Variants in ACACB observed in about 807,000 individuals in gnomAD.
ACACB encodes the protein acetyl-CoA carboxylase beta.
Under a neutral mutation model 278.8 loss-of-function variants are expected in ACACB, and 209 were observed. That is an observed-to-expected ratio of 0.75 (90% confidence interval 0.67 to 0.84). The LOEUF (loss-of-function observed/expected upper bound fraction) is 0.84. Among genes scored for constraint, ACACB ranks in the 40% least tolerant of loss-of-function variants. The pLI is 0.00. For synonymous variants in ACACB, 1,174 were observed against 1,285.6 expected, an observed-to-expected ratio of 0.91 and a Z score of 1.86; for missense variants, 2,850 against 3,269.0, an observed-to-expected ratio of 0.87 and a Z score of 3.13.
intron 7 of ACACB, among the ~76,000 whole-genome samples, chr12:109,175,456 C>A (rs560009436): frequency 6.6e-6 from 1 of 152,202 alleles, no homozygotes; most frequent in African/African-American, 2.4e-5. Flanking sequence ...CACTCTGTCA[C>A]CCAGGCCAAA....
At chr12:109,167,294 T>C in intron 3 of ACACB, 1 of 257,444 alleles carries the variant, frequency 3.9e-6, no homozygotes, top group Non-Finnish European at 7.6e-6. Flanking sequence ...AAAAAAATCA[T>C]TCACTGGGCT....
At position 109,239,949 on chromosome 12, in the gene ACACB, C is replaced by G. The variant is rs778786924; in HGVS notation, c.4782C>G (p.Leu1594=). The change falls in exon 35 of 53, where the codon CTC becomes CTG. Residue 1594 remains leucine (L), a synonymous_variant. Transcript: ENST00000338432. ...SVRTDCNHIF[L]NFVPTVIMDP... ...GCACCGACTGCAACCACATCTTCCTCAACTTCGTGCCCACTGTCATCATGG... is the reference window on the plus strand; with the variant it reads ...GCACCGACTGCAACCACATCTTCCTGAACTTCGTGCCCACTGTCATCATGG... 4.2e-5 allele frequency: 68 copies of G among 1,614,056 alleles called. 1 individual carries two copies. The Admixed American group carries it at 7.0e-4, about 17-fold the overall frequency.
rs768199367 is a variant in ACACB at position 109,264,237 on chromosome 12, C to T, written c.6793C>T (p.Pro2265Ser). 4.3e-6 allele frequency: 7 copies of T among 1,614,028 alleles called. No individual in the cohort carries two copies. The Admixed American group carries it at 1.0e-4, about 23-fold the overall frequency. ...GCCTTTCTGCTCACCTGCAGGGGAA[C>T]CTGATCTCTCCGACAAGGACCGAAA... Reference protein sequence around the residue: ...YKKLMEQLGEPDLSDKDRKDL... With the variant: ...YKKLMEQLGESDLSDKDRKDL... The change falls in exon 50 of 53, where the codon CCT becomes TCT. Residue 2265 changes from proline to serine, a missense_variant. Around this residue, in one of 3 missense-constraint regions of ACACB, gnomAD observed 579 missense variants for 684.6 expected, o/e 0.85. Transcript: ENST00000338432.
intron 13 of ACACB, among the ~76,000 whole-genome samples, chr12:109,191,038 A>T (rs541000448): frequency 4.6e-5 from 7 of 152,180 alleles, no homozygotes; most frequent in African/African-American, 1.7e-4. Context: ...CATTACATGG[A>T]TTGTCTCATT....
chr12:109,208,402 C>T (rs2045585513), intron 20 of ACACB, among the ~76,000 whole-genome samples: 1 of 151,454 alleles, frequency 6.6e-6, no homozygotes, highest in Admixed American at 6.6e-5. Flanking sequence ...GAGACGGGGT[C>T]TCGCCATGTT....
chr12:109,140,337 TCC>T (rs2043090605), intron 2 of ACACB, among the ~76,000 whole-genome samples: 1 of 98,636 alleles, frequency 1.0e-5, no homozygotes, highest in Admixed American at 1.1e-4. Flanking sequence ...CTTCCTTCCT[TCC>T]TTCCTTCCTT....
At chr12:109,212,526 A>G (rs1490258118) in intron 21 of ACACB, among the ~76,000 whole-genome samples, 1 of 152,086 alleles carries the variant, frequency 6.6e-6, no homozygotes, top group Non-Finnish European at 1.5e-5. Context: ...GATTATCGTA[A>G]CGAGCATGCA....
chr12:109,174,809 A>G (rs2044233121), intron 7 of ACACB, among the ~76,000 whole-genome samples: 1 of 152,136 alleles, frequency 6.6e-6, no homozygotes, highest in South Asian at 2.1e-4. Context: ...GGTCGAGGTT[A>G]CAGTGAACTA....
intron 48 of ACACB, among the ~76,000 whole-genome samples, chr12:109,262,091 T>C (rs534260458): frequency 1.4e-4 from 21 of 152,080 alleles, no homozygotes; most frequent in African/African-American, 4.1e-4. Flanking sequence ...AGTCGTACAC[T>C]CTTAGACCTG....
intron 31 of ACACB, 143 bp downstream of exon 31, chr12:109,234,188 C>G (rs944150116): frequency 1.4e-6 from 1 of 693,994 alleles, no homozygotes; most frequent in Non-Finnish European, 2.5e-6. Flanking sequence ...CTCTGCTCGC[C>G]TCATAGCTGG....
At chr12:109,262,131 T>C (rs2047394724) in intron 48 of ACACB, among the ~76,000 whole-genome samples, 1 of 152,066 alleles carries the variant, frequency 6.6e-6, no homozygotes, top group African/African-American at 2.4e-5. Context: ...CAGAAAGCAT[T>C]ATTTTAAACA....
chr12:109,196,870 G>T, intron 16 of ACACB, 138 bp from the exon 17 acceptor site: 3 of 1,047,334 alleles, frequency 2.9e-6, no homozygotes, highest in South Asian at 4.2e-5. Flanking sequence ...AATTGTGAGG[G>T]CTGGGTCCGA....
chr12:109,138,219 A>G (rs1460589963), intron 1 of ACACB, among the ~76,000 whole-genome samples: 1 of 152,160 alleles, frequency 6.6e-6, no homozygotes, highest in Non-Finnish European at 1.5e-5. Context: ...TTAAAACAAG[A>G]TTTCCTTCAA....
At chr12:109,146,739 G>T (rs2043251797) in intron 2 of ACACB, among the ~76,000 whole-genome samples, 1 of 151,772 alleles carries the variant, frequency 6.6e-6, no homozygotes, top group African/African-American at 2.4e-5. Flanking sequence ...CAGTAGCATG[G>T]TCATGGCTCA....
chr12:109,260,423 G>T, intron 47 of ACACB, 57 bp from the exon 48 acceptor site: 1 of 1,605,138 alleles, frequency 6.2e-7, no homozygotes, highest in Non-Finnish European at 8.5e-7. Flanking sequence ...CTAGGGCAGT[G>T]GGTTTCATGT....
At position 109,209,151 on chromosome 12, in the gene ACACB, G is replaced by A. The variant is rs748802248; in HGVS notation, c.3061-14G>A. The A allele has an allele frequency of 1.1e-5, 17 of 1,581,556 alleles. No homozygotes were observed. Among genetic ancestry groups the A allele is most frequent in the Admixed American group, 1.8e-5 (1 of 55,626 alleles). ...ATGCAGGGCTGGGGGCTGATGCTGT[G>A]GTCCCCGCTTCAGCTGAAGGAGTGG... On this transcript the variant is annotated splice_polypyrimidine_tract_variant and intron_variant, in intron 20 of 52. Transcript: ENST00000338432.
In ACACB at chr12:109,137,111, C is replaced by T. The variant is rs563002284; in HGVS notation, c.-9-2286C>T. On this transcript the variant is annotated intron_variant, in intron 1 of 52. Coordinates refer to ENST00000338432, the MANE Select transcript of ACACB (RefSeq NM_001093.4). Reference sequence around the variant, plus strand: ...TTGGGATGATCATGTGGTTTTTTTCCCTTTGTTCCATTAATGTGGCATGTT... The same window carrying T: ...TTGGGATGATCATGTGGTTTTTTTCTCTTTGTTCCATTAATGTGGCATGTT... Among the ~76,000 whole-genome samples, 30 of 151,700 alleles carry T rather than the reference C, an allele frequency of 2.0e-4. 1 individual carries two copies. The highest frequency in any genetic ancestry group is 4.1e-4 in the Non-Finnish European group (28 of 67,936).
chr12:109,212,793 T>C, intron 21 of ACACB, 43 bp from the exon 22 acceptor site: 1 of 1,534,188 alleles, frequency 6.5e-7, no homozygotes, highest in Non-Finnish European at 9.0e-7. Flanking sequence ...CTGTGTGTCA[T>C]CTGAATCATC....
chr12:109,238,547 TG>T (rs1225136969), intron 34 of ACACB, among the ~76,000 whole-genome samples: 2 of 145,858 alleles, frequency 1.4e-5, no homozygotes, highest in African/African-American at 5.0e-5. Flanking sequence ...TTTATATAAA[TG>T]TATATATAAT....
Sources: gnomAD v4.1 joint callset for allele counts (sites outside exome capture counted in the v4.1 genomes callset) on GRCh38, gnomAD v4.1.1 for gene constraint, gnomAD v4.1.1 regional missense constraint, MANE v1.5 for transcripts, NCBI Gene and HGNC (gene_info 2026-07-23, HGNC 2026-07-21) for gene names.